Variants in RCL1 observed in about 807,000 individuals in gnomAD.
The protein encoded by RCL1 is RNA terminal phosphate cyclase like 1, also known as RNA 3'-terminal phosphate cyclase-like protein.
In RCL1, 24 loss-of-function variants were observed where a neutral mutation model predicts 42.4. That is an observed-to-expected ratio of 0.57 (90% confidence interval 0.41 to 0.80). The LOEUF (loss-of-function observed/expected upper bound fraction) is 0.80. RCL1 is among the 30% of genes least tolerant of loss of function. The probability of loss-of-function intolerance (pLI) is 0.00; values close to 1 mark genes in which losing one functional copy is unlikely to be tolerated. For missense variants in RCL1, 578 were observed against 467.9 expected, an observed-to-expected ratio of 1.24 and a Z score of -2.17; for synonymous variants, 228 against 177.3, an observed-to-expected ratio of 1.29 and a Z score of -2.27.
chr9:4,835,295 G>C (rs1817085452), intron 5 of RCL1, among the ~76,000 whole-genome samples: 1 of 152,236 alleles, frequency 6.6e-6, no homozygotes, highest in Non-Finnish European at 1.5e-5. Flanking sequence ...GGAAGTAAGA[G>C]TGGGGAAGAG....
At chr9:4,846,104 G>T (rs1179875922) in intron 7 of RCL1, among the ~76,000 whole-genome samples, 1 of 152,324 alleles carries the variant, frequency 6.6e-6, no homozygotes, top group East Asian at 1.9e-4. Context: ...CAGCCTCACA[G>T]TGGAAAACAG....
chr9:4,855,357 G>C (rs971326384), intron 8 of RCL1, among the ~76,000 whole-genome samples: 3 of 30,652 alleles, frequency 9.8e-5, no homozygotes, highest in African/African-American at 4.1e-4. Flanking sequence ...CTCGGTGAGC[G>C]GTGGGTCTCT....
intron 6 of RCL1, among the ~76,000 whole-genome samples, chr9:4,841,627 A>C (rs957490166): frequency 2.0e-5 from 3 of 152,238 alleles, no homozygotes; most frequent in African/African-American, 7.2e-5. Flanking sequence ...ACAATGCTTT[A>C]GGCTTTAAAT....
chr9:4,795,424 T>C (rs548314242), intron 1 of RCL1, among the ~76,000 whole-genome samples: 2 of 152,324 alleles, frequency 1.3e-5, no homozygotes, highest in Admixed American at 1.3e-4. Flanking sequence ...GAGATAGATA[T>C]GCATTTGCAG....
chr9:4,831,483 T>A (rs1162264915), intron 3 of RCL1, among the ~76,000 whole-genome samples: 1 of 152,194 alleles, frequency 6.6e-6, no homozygotes, highest in Non-Finnish European at 1.5e-5. Context: ...GTGCTTTATT[T>A]TTTTATTTTT....
chr9:4,806,546 T>C (rs1489362871), intron 1 of RCL1, among the ~76,000 whole-genome samples: 2 of 151,240 alleles, frequency 1.3e-5, no homozygotes, highest in African/African-American at 4.9e-5. Context: ...TATTTAAATA[T>C]TGAACCAGCC....
chr9:4,855,376 GGT>G (rs1817916674), intron 8 of RCL1, among the ~76,000 whole-genome samples: 1 of 151,680 alleles, frequency 6.6e-6, no homozygotes, highest in Non-Finnish European at 1.5e-5. Context: ...CTTTGCCCTG[GGT>G]GTGTGGCTGT....
intron 8 of RCL1, among the ~76,000 whole-genome samples, chr9:4,850,804 A>T (rs534137643): frequency 6.6e-6 from 1 of 152,196 alleles, no homozygotes; most frequent in Non-Finnish European, 1.5e-5. Flanking sequence ...TAGAGAGCTC[A>T]CTGGAGGCGG....
At chr9:4,802,638 T>C (rs747258447) in intron 1 of RCL1, among the ~76,000 whole-genome samples, 2 of 152,242 alleles carry the variant, frequency 1.3e-5, no homozygotes, top group Non-Finnish European at 2.9e-5. Context: ...TTTTTTTTAC[T>C]TTGTTATTTA....
intron 1 of RCL1, among the ~76,000 whole-genome samples, chr9:4,793,653 C>T (rs540565318): frequency 5.0e-4 from 76 of 152,330 alleles, no homozygotes; most frequent in Middle Eastern, 3.4e-3. Flanking sequence ...TGGGTTGGTT[C>T]TCTGCCCTGT....
At chr9:4,818,245 T>A in intron 1 of RCL1, among the ~76,000 whole-genome samples, 1 of 152,118 alleles carries the variant, frequency 6.6e-6, no homozygotes. Flanking sequence ...TTTAAAGTGA[T>A]AAATTTTTCT....
chr9:4,851,854 C>A (rs1435985050), intron 8 of RCL1, among the ~76,000 whole-genome samples: 2 of 146,872 alleles, frequency 1.4e-5, no homozygotes, highest in Non-Finnish European at 3.0e-5. Context: ...TTCTGTGCTA[C>A]TTGAGAAAGT....
chr9:4,797,547 T>A (rs1268567475), intron 1 of RCL1, among the ~76,000 whole-genome samples: 1 of 152,164 alleles, frequency 6.6e-6, no homozygotes, highest in Non-Finnish European at 1.5e-5. Flanking sequence ...CAGAGGGGAA[T>A]GCTACTGGCC....
intron 1 of RCL1, among the ~76,000 whole-genome samples, chr9:4,808,456 C>T (rs296836): frequency 0.48 from 73,285 of 151,840 alleles, 19,897 homozygotes; most frequent in East Asian, 0.72. Context: ...TATAGGTGTG[C>T]GCCATTATGC....
At chr9:4,805,217 C>CA (rs914526751) in intron 1 of RCL1, among the ~76,000 whole-genome samples, 25 of 151,990 alleles carry the variant, frequency 1.6e-4, no homozygotes, top group African/African-American at 4.1e-4. Context: ...ATAAGCAAAA[C>CA]AAAAAAAACA....
At chr9:4,798,998 C>G (rs1219458345) in intron 1 of RCL1, among the ~76,000 whole-genome samples, 1 of 145,274 alleles carries the variant, frequency 6.9e-6, no homozygotes, top group Admixed American at 7.0e-5. Flanking sequence ...TTCTTTTCCT[C>G]TCTCCCTCCC....
At chr9:4,815,570 A>G (rs1816343484) in intron 1 of RCL1, among the ~76,000 whole-genome samples, 1 of 151,990 alleles carries the variant, frequency 6.6e-6, no homozygotes, top group Admixed American at 6.6e-5. Flanking sequence ...ACCATGCTGA[A>G]AGGTACAGTA....
At chr9:4,821,376 G>A (rs1306424289) in intron 1 of RCL1, among the ~76,000 whole-genome samples, 1 of 152,150 alleles carries the variant, frequency 6.6e-6, no homozygotes, top group African/African-American at 2.4e-5. Flanking sequence ...GGGTCTCAGT[G>A]TCATTTGACT....
chr9:4,817,483 T>C (rs1816423100), intron 1 of RCL1, among the ~76,000 whole-genome samples: 1 of 151,390 alleles, frequency 6.6e-6, no homozygotes, highest in South Asian at 2.1e-4. Flanking sequence ...TTTTTTTTTT[T>C]TCTTTTTTGA....
Sources: gnomAD v4.1 joint callset for allele counts (sites outside exome capture counted in the v4.1 genomes callset) on GRCh38, gnomAD v4.1.1 for gene constraint, MANE v1.5 for transcripts, NCBI Gene and HGNC (gene_info 2026-07-23, HGNC 2026-07-21) for gene names.